Variants in BRD10 observed in about 807,000 individuals in gnomAD.
BRD10 encodes bromodomain containing 10, also known as uncharacterized bromodomain-containing protein 10.
the BRD10 span, chr9:5,897,608 C>T: frequency 6.8e-6 from 11 of 1,614,120 alleles, no homozygotes; most frequent in African/African-American, 1.3e-5. Flanking sequence ...TACTGCTCAT[C>T]GGCTGTTGGT....
At chr9:5,920,513 G>C in the BRD10 span, 3 of 1,614,000 alleles carry the variant, frequency 1.9e-6, no homozygotes, top group South Asian at 3.3e-5. Flanking sequence ...ATTTGGCAGA[G>C]AAGCAAAATT....
chr9:5,941,385 C>G, the BRD10 span, among the ~76,000 whole-genome samples: 1 of 152,156 alleles, frequency 6.6e-6, no homozygotes, highest in African/African-American at 2.4e-5. Flanking sequence ...TGAAAGAATG[C>G]TATCATGTAA....
chr9:5,941,819 C>T, the BRD10 span, among the ~76,000 whole-genome samples: 2 of 152,012 alleles, frequency 1.3e-5, no homozygotes, highest in Non-Finnish European at 2.9e-5. Context: ...GGAATGTTTA[C>T]CTGAGTGAAA....
chr9:5,963,592 C>G, the BRD10 span, among the ~76,000 whole-genome samples: 3 of 151,038 alleles, frequency 2.0e-5, no homozygotes, highest in Admixed American at 1.3e-4. Flanking sequence ...GAGCCTGCAT[C>G]ACCAAGTCAA....
At chr9:5,986,176 A>G in the BRD10 span, among the ~76,000 whole-genome samples, 1 of 152,044 alleles carries the variant, frequency 6.6e-6, no homozygotes, top group Non-Finnish European at 1.5e-5. Context: ...CCCTGTGTCC[A>G]TGTGTTCTCA....
At chr9:5,889,071 C>T in the BRD10 span, among the ~76,000 whole-genome samples, 3 of 152,222 alleles carry the variant, frequency 2.0e-5, no homozygotes, top group Non-Finnish European at 4.4e-5. Flanking sequence ...TGATCCACTA[C>T]ATCTTTCTGA....
At chr9:5,898,880 T>G in the BRD10 span, 2 of 152,240 alleles carry the variant, frequency 1.3e-5, no homozygotes, top group Admixed American at 1.3e-4. Context: ...TTGTGTGTTT[T>G]TTAACAGGCT....
chr9:5,955,851 T>G, the BRD10 span, among the ~76,000 whole-genome samples: 4 of 152,182 alleles, frequency 2.6e-5, no homozygotes, highest in Non-Finnish European at 5.9e-5. Context: ...TAAGCAATAC[T>G]CAGGGAGAAG....
the BRD10 span, chr9:5,920,067 G>A: frequency 7.4e-6 from 12 of 1,613,824 alleles, no homozygotes; most frequent in South Asian, 2.2e-5. Flanking sequence ...TGTACTGTGG[G>A]TATAGAACTT....
At chr9:5,907,080 G>T in the BRD10 span, 1 of 984,208 alleles carries the variant, frequency 1.0e-6, no homozygotes, top group Non-Finnish European at 1.5e-6. Context: ...CATTTAAAAA[G>T]CAAGGACAAT....
the BRD10 span, among the ~76,000 whole-genome samples, chr9:5,987,683 C>A: frequency 6.6e-6 from 1 of 152,166 alleles, no homozygotes; most frequent in Non-Finnish European, 1.5e-5. Context: ...ATTAACAAGT[C>A]CTTATAACAT....
At chr9:5,949,116 A>G in the BRD10 span, among the ~76,000 whole-genome samples, 1 of 152,194 alleles carries the variant, frequency 6.6e-6, no homozygotes, top group Admixed American at 6.5e-5. Context: ...AAGTGAAACA[A>G]AAAGCGGAGG....
At chr9:6,004,542 T>C in the BRD10 span, among the ~76,000 whole-genome samples, 2 of 152,314 alleles carry the variant, frequency 1.3e-5, no homozygotes, top group East Asian at 3.9e-4. Flanking sequence ...AGCTCAGCAG[T>C]ATAGGGAACG....
the BRD10 span, among the ~76,000 whole-genome samples, chr9:5,918,622 T>C: frequency 5.4e-5 from 8 of 147,828 alleles, no homozygotes; most frequent in African/African-American, 1.7e-4. Context: ...AAAGTAATTG[T>C]GGTTTTTTGC....
the BRD10 span, among the ~76,000 whole-genome samples, chr9:5,927,600 G>A: frequency 6.6e-6 from 1 of 152,084 alleles, no homozygotes; most frequent in Non-Finnish European, 1.5e-5. Context: ...AGCTCACCAA[G>A]GTCATTAATA....
chr9:5,907,710 C>G, the BRD10 span, among the ~76,000 whole-genome samples: 7 of 152,262 alleles, frequency 4.6e-5, no homozygotes, highest in African/African-American at 1.7e-4. Context: ...CCCAGCACTT[C>G]GGGAGGCCGA....
the BRD10 span, among the ~76,000 whole-genome samples, chr9:5,882,046 A>G: frequency 6.6e-6 from 1 of 152,198 alleles, no homozygotes; most frequent in Non-Finnish European, 1.5e-5. Flanking sequence ...GCAACCTTCC[A>G]TAGTCTCCTG....
the BRD10 span, among the ~76,000 whole-genome samples, chr9:5,944,573 AC>A: frequency 1.3e-5 from 2 of 152,082 alleles, no homozygotes; most frequent in African/African-American, 4.8e-5. Flanking sequence ...TGCAAGGCAA[AC>A]ATTACCCAAA....
At chr9:5,941,730 A>C in the BRD10 span, among the ~76,000 whole-genome samples, 34 of 152,208 alleles carry the variant, frequency 2.2e-4, no homozygotes, top group Non-Finnish European at 4.6e-4. Context: ...CTAAAAGGTT[A>C]AAAAGACTTT....
Sources: gnomAD v4.1 joint callset for allele counts (sites outside exome capture counted in the v4.1 genomes callset) on GRCh38, gnomAD v4.1.1 for gene constraint, MANE v1.5 for transcripts, NCBI Gene and HGNC (gene_info 2026-07-23, HGNC 2026-07-21) for gene names.